DLG2: variants seen among roughly 807,000 people sequenced by gnomAD.
DLG2 encodes the protein discs large MAGUK scaffold protein 2, also known as disks large homolog 2.
A neutral mutation model predicts 132.5 loss-of-function variants in DLG2; 45 were observed. The ratio of observed to expected loss-of-function variants is 0.34; its 90% CI spans 0.27 to 0.44. DLG2 has a LOEUF of 0.44. DLG2 is among the 20% of genes least tolerant of loss of function. The pLI is 1.00. For synonymous variants in DLG2, 424 were observed against 419.6 expected, an observed-to-expected ratio of 1.01 and a Z score of -0.13; for missense variants, 1,045 against 1,196.9, an observed-to-expected ratio of 0.87 and a Z score of 1.87.
intron 7 of DLG2, among the ~76,000 whole-genome samples, chr11:84,487,230 T>C (rs2099153371): frequency 6.6e-6 from 1 of 152,130 alleles, no homozygotes. Context: ...TCTAAATATA[T>C]GAGTACCGAT....
chr11:84,776,300 C>T (rs2070478801), intron 6 of DLG2, among the ~76,000 whole-genome samples: 1 of 152,058 alleles, frequency 6.6e-6, no homozygotes, highest in Admixed American at 6.6e-5. Flanking sequence ...CACAGGCACA[C>T]ACGACCATGC....
chr11:85,043,640 A>T (rs1187409608), intron 6 of DLG2, among the ~76,000 whole-genome samples: 1 of 151,904 alleles, frequency 6.6e-6, no homozygotes, highest in Admixed American at 6.6e-5. Context: ...AAATTTACAG[A>T]CTTCCTTAGA....
chr11:85,499,617 C>T (rs1215950636), intron 3 of DLG2, among the ~76,000 whole-genome samples: 1 of 152,138 alleles, frequency 6.6e-6, no homozygotes, highest in Non-Finnish European at 1.5e-5. Flanking sequence ...CATCCTGATA[C>T]CAAAGCCTGG....
intron 18 of DLG2, among the ~76,000 whole-genome samples, chr11:83,722,077 A>G (rs1346415199): frequency 6.6e-6 from 1 of 152,146 alleles, no homozygotes; most frequent in Non-Finnish European, 1.5e-5. Context: ...AAATATAATA[A>G]TTTTCACTGT....
At chr11:84,231,084 C>A (rs1394344870) in intron 8 of DLG2, among the ~76,000 whole-genome samples, 4 of 152,182 alleles carry the variant, frequency 2.6e-5, no homozygotes, top group Admixed American at 1.3e-4. Context: ...TGTCTTCAAC[C>A]AATGGATGAA....
chr11:85,560,482 G>A (rs1290518030), intron 3 of DLG2, among the ~76,000 whole-genome samples: 1 of 151,798 alleles, frequency 6.6e-6, no homozygotes, highest in African/African-American at 2.4e-5. Flanking sequence ...AACTAGACAT[G>A]AAAGATAACA....
At chr11:84,821,203 A>T (rs1368276505) in intron 6 of DLG2, among the ~76,000 whole-genome samples, 2 of 151,884 alleles carry the variant, frequency 1.3e-5, no homozygotes, top group Non-Finnish European at 2.9e-5. Flanking sequence ...GAGACAACAG[A>T]CGAACAACTG....
intron 4 of DLG2, among the ~76,000 whole-genome samples, chr11:85,263,940 CATCACAGCAGAGA>C (rs2077073172): frequency 6.6e-6 from 1 of 152,166 alleles, no homozygotes; most frequent in Admixed American, 6.6e-5. Flanking sequence ...AAACAACAGG[CATCACAGCAGAGA>C]AGGGGCTGTC....
chr11:84,101,795 G>A (rs923885878), intron 9 of DLG2, among the ~76,000 whole-genome samples: 1 of 152,112 alleles, frequency 6.6e-6, no homozygotes, highest in Non-Finnish European at 1.5e-5. Context: ...CTTGATTAAT[G>A]AGAGTAGGGA....
intron 12 of DLG2, among the ~76,000 whole-genome samples, chr11:83,969,049 G>T (rs2090813866): frequency 6.6e-6 from 1 of 151,984 alleles, no homozygotes; most frequent in African/African-American, 2.4e-5. Flanking sequence ...CACATATTTT[G>T]ACATGAATCA....
chr11:84,947,698 T>A (rs1269962923), intron 6 of DLG2, among the ~76,000 whole-genome samples: 1 of 152,232 alleles, frequency 6.6e-6, no homozygotes, highest in Non-Finnish European at 1.5e-5. Context: ...GTGGTCTTCA[T>A]TTACTTCCAC....
intron 6 of DLG2, among the ~76,000 whole-genome samples, chr11:84,597,798 G>C (rs1017287381): frequency 3.3e-5 from 5 of 152,222 alleles, no homozygotes; most frequent in African/African-American, 1.2e-4. Context: ...TTTGCCTTCA[G>C]TAGGAAGTAT....
chr11:84,556,160 G>A (rs2154525126), intron 6 of DLG2, among the ~76,000 whole-genome samples: 1 of 152,276 alleles, frequency 6.6e-6, no homozygotes, highest in Non-Finnish European at 1.5e-5. Flanking sequence ...TGGTGACTAA[G>A]TTCACTCCCA....
chr11:84,567,868 C>T (rs574320717), intron 6 of DLG2, among the ~76,000 whole-genome samples: 1 of 152,184 alleles, frequency 6.6e-6, no homozygotes, highest in Non-Finnish European at 1.5e-5. Flanking sequence ...TGGCTCTACA[C>T]AACTGAATGA....
At chr11:83,610,690 TAATA>T (rs1275894135) in intron 19 of DLG2, among the ~76,000 whole-genome samples, 2 of 152,142 alleles carry the variant, frequency 1.3e-5, no homozygotes, top group Admixed American at 6.5e-5. Context: ...ATAATAATAA[TAATA>T]AATAATGACT....
In DLG2 at chr11:83,654,150, G is replaced by A. The variant is rs528601368; in HGVS notation, c.1826-20825C>T. Among the ~76,000 whole-genome samples the A allele has an allele frequency of 2.6e-5, 4 of 152,104 alleles. No homozygotes were observed. The South Asian group carries it at 8.3e-4, about 32-fold the overall frequency. On this transcript the variant is annotated intron_variant, in intron 18 of 27. Transcript: ENST00000376104. ...GTGATTGTGTTCTTTCCATGCTATT[G>A]CCACTTCTCACCCAATCTGGTTCTT...
At chr11:85,427,370 C>CA (rs1565477320) in intron 3 of DLG2, among the ~76,000 whole-genome samples, 1 of 152,134 alleles carries the variant, frequency 6.6e-6, no homozygotes, top group Non-Finnish European at 1.5e-5. Context: ...TAAGGGCAGC[C>CA]AGAGAGAAAG....
At chr11:84,392,870 C>T (rs767790171) in intron 7 of DLG2, among the ~76,000 whole-genome samples, 6 of 152,100 alleles carry the variant, frequency 3.9e-5, no homozygotes, top group African/African-American at 7.2e-5. Context: ...CTTCACCCTT[C>T]GGCTGGGCTT....
intron 4 of DLG2, among the ~76,000 whole-genome samples, chr11:85,195,610 G>A (rs1247773654): frequency 2.1e-5 from 3 of 145,636 alleles, no homozygotes; most frequent in South Asian, 2.2e-4. Context: ...TGCAAGCTCC[G>A]CCTCCAGGGT....
Sources: gnomAD v4.1 joint callset for allele counts (sites outside exome capture counted in the v4.1 genomes callset) on GRCh38, gnomAD v4.1.1 for gene constraint, MANE v1.5 for transcripts, NCBI Gene and HGNC (gene_info 2026-07-23, HGNC 2026-07-21) for gene names.